Variants in RAF1 observed in about 807,000 individuals in gnomAD.
The protein encoded by RAF1 is RAF proto-oncogene serine/threonine-protein kinase.
RAF1 carries 27 observed loss-of-function variants against 81.1 expected under a neutral mutation model. The ratio of observed to expected loss-of-function variants is 0.33; its 90% CI spans 0.25 to 0.46. RAF1 has a LOEUF of 0.46. RAF1 is among the 20% of genes least tolerant of loss of function. RAF1 has a pLI of 1.00. For missense variants in RAF1, 598 were observed against 826.0 expected (o/e 0.72, Z 3.38); for synonymous variants, 298 against 294.0 (o/e 1.01, Z -0.14).
At chr3:12,593,542 A>G (rs1010737676) in intron 11 of RAF1, among the ~76,000 whole-genome samples, 2 of 152,122 alleles carry the variant, frequency 1.3e-5, no homozygotes, top group South Asian at 4.1e-4. Flanking sequence ...TAACCTGCAC[A>G]TGTGTTTGCC....
chr3:12,624,222 C>T (rs934419111), intron 1 of RAF1, among the ~76,000 whole-genome samples: 1 of 152,088 alleles, frequency 6.6e-6, no homozygotes, highest in Non-Finnish European at 1.5e-5. Flanking sequence ...TGCTGAAATA[C>T]GCAGACAATG....
intron 11 of RAF1, among the ~76,000 whole-genome samples, chr3:12,596,122 C>A (rs1300944080): frequency 6.6e-6 from 1 of 151,728 alleles, no homozygotes; most frequent in Non-Finnish European, 1.5e-5. Context: ...ATCCTCCCAA[C>A]TCAGCCTCCC....
At chr3:12,593,800 T>C (rs1371338726) in intron 11 of RAF1, among the ~76,000 whole-genome samples, 30 of 149,796 alleles carry the variant, frequency 2.0e-4, no homozygotes, top group East Asian at 7.8e-4. Flanking sequence ...TTTTTTTTTT[T>C]TTTTTCTTTT....
chr3:12,663,356 C>T (rs1275093821), intron 1 of RAF1, among the ~76,000 whole-genome samples: 2 of 152,180 alleles, frequency 1.3e-5, no homozygotes, highest in African/African-American at 2.4e-5. Flanking sequence ...TGGCCAGTTT[C>T]CTCCTCTCTT....
At chr3:12,657,874 A>G (rs2060748645) in intron 1 of RAF1, among the ~76,000 whole-genome samples, 1 of 47,284 alleles carries the variant, frequency 2.1e-5, no homozygotes, top group Non-Finnish European at 3.4e-5. Flanking sequence ...AAACAAAACA[A>G]AACAAAACAA....
In RAF1 at chr3:12,650,364, T is replaced by C. The variant is rs5746163; in HGVS notation, c.-27+13449A>G. Among the ~76,000 whole-genome samples the C allele has an allele frequency of 3.1e-3, 473 of 152,086 alleles. 6 individuals are homozygous for C. Among genetic ancestry groups the C allele is most frequent in the Admixed American group, 3.7e-3 (56 of 15,260 alleles). On this transcript the variant is annotated intron_variant, in intron 1 of 17. Coordinates refer to ENST00000442415, the MANE Select transcript of RAF1 (RefSeq NM_001354689.3). ...ACCTACATAATTATATACCAAAGCA[T>C]TGAAGAACTACATGTATTTCCTATA...
At chr3:12,591,923 C>A in intron 11 of RAF1, 131 bp from the exon 11 acceptor site, 17 of 737,146 alleles carry the variant, frequency 2.3e-5, no homozygotes, top group South Asian at 7.8e-5. Context: ...GGCAAATTTC[C>A]AATTTTTTTT....
chr3:12,587,837 C>CATTTTTTTTT, intron 13 of RAF1, 200 bp from the exon 13 acceptor site: 1 of 193,316 alleles, frequency 5.2e-6, no homozygotes, highest in Non-Finnish European at 1.0e-5. Context: ...ATGCTTACAC[C>CATTTTTTTTT]TTTTTTTTTT....
intron 1 of RAF1, among the ~76,000 whole-genome samples, chr3:12,624,813 G>A (rs996679166): frequency 6.7e-6 from 1 of 150,290 alleles, no homozygotes; most frequent in South Asian, 2.1e-4. Flanking sequence ...TTGAACCCAG[G>A]AGGTGGAGGC....
At chr3:12,639,855 T>A (rs1217013401) in intron 1 of RAF1, among the ~76,000 whole-genome samples, 4 of 152,088 alleles carry the variant, frequency 2.6e-5, no homozygotes, top group Non-Finnish European at 4.4e-5. Flanking sequence ...CTTCACAGAA[T>A]TGGAAAAAAC....
chr3:12,637,155 G>T (rs1226327536), intron 1 of RAF1, among the ~76,000 whole-genome samples: 1 of 152,032 alleles, frequency 6.6e-6, no homozygotes, highest in East Asian at 1.9e-4. Context: ...AGCTGAACTC[G>T]CTCAATTTTT....
intron 1 of RAF1, among the ~76,000 whole-genome samples, chr3:12,619,617 T>G (rs1476578606): frequency 6.7e-5 from 10 of 150,212 alleles, no homozygotes; most frequent in Admixed American, 6.0e-4. Context: ...GTCTCAAGAC[T>G]TCTAGTCTAT....
At position 12,608,763 on chromosome 3, in the gene RAF1, T is replaced by TA. The variant is rs1306392054; in HGVS notation, c.581+2dup. 1 of 1,613,878 alleles carries TA rather than the reference T, an allele frequency of 6.2e-7. No homozygotes were observed. Among genetic ancestry groups the TA allele is most frequent in the Non-Finnish European group, 8.5e-7 (1 of 1,179,732 alleles). ...TTCCTTGGATAAAAGAACAATGCCT[T>TA]ACAAGAGTTGTCTGATGTTACTCCA... On this transcript the variant is annotated splice_region_variant and intron_variant, in intron 5 of 17. Transcript: ENST00000442415.
At chr3:12,630,215 T>C (rs1014418939) in intron 1 of RAF1, among the ~76,000 whole-genome samples, 25 of 152,224 alleles carry the variant, frequency 1.6e-4, no homozygotes, top group Admixed American at 2.6e-4. Context: ...GCACAATAAA[T>C]AACTATCAGT....
intron 1 of RAF1, among the ~76,000 whole-genome samples, chr3:12,647,720 C>T (rs1168635775): frequency 6.6e-6 from 1 of 152,136 alleles, no homozygotes; most frequent in African/African-American, 2.4e-5. Context: ...GTTTCCTAAC[C>T]AGTCCAAAAG....
rs933142627 is a variant in RAF1, at chr3:12,584,611, T to G, written c.1910A>C (p.Asn637Thr). 2.5e-6 allele frequency: 4 copies of G among 1,613,906 alleles called. No individual in the cohort carries two copies. The highest frequency in any genetic ancestry group is 3.4e-6 in the Non-Finnish European group (4 of 1,179,942). Reference sequence around the variant, plus strand: ...CAAGGATGGCTCGGAAGCGCTCCGGTTGATCTTCGGTAGAGAGTGTTGGAG... The same window carrying G: ...CAAGGATGGCTCGGAAGCGCTCCGGGTGATCTTCGGTAGAGAGTGTTGGAG... Residue 637 changes from asparagine to threonine, a missense_variant, in exon 18 of 18, where the codon AAC becomes ACC. Around this residue, in one of 5 missense-constraint regions of RAF1, gnomAD observed 147 missense variants for 196.1 expected, o/e 0.75. Coordinates refer to ENST00000442415, the MANE Select transcript of RAF1 (RefSeq NM_001354689.3).
chr3:12,625,444 C>T (rs1439907269), intron 1 of RAF1, among the ~76,000 whole-genome samples: 1 of 152,180 alleles, frequency 6.6e-6, no homozygotes, highest in Non-Finnish European at 1.5e-5. Flanking sequence ...TCTACTCTCA[C>T]AGTGAAGAGT....
chr3:12,607,703 A>G (rs1047511544), intron 5 of RAF1, among the ~76,000 whole-genome samples: 2 of 151,960 alleles, frequency 1.3e-5, no homozygotes, highest in African/African-American at 4.8e-5. Flanking sequence ...CTGTAATCCC[A>G]GCACTTTGGG....
At chr3:12,658,942 T>A (rs1185661799) in intron 1 of RAF1, among the ~76,000 whole-genome samples, 3 of 152,178 alleles carry the variant, frequency 2.0e-5, no homozygotes, top group Non-Finnish European at 4.4e-5. Flanking sequence ...GCTGAGATTC[T>A]AGGGGTCATT....
Sources: allele counts gnomAD v4.1 joint callset (sites outside exome capture counted in the v4.1 genomes callset), GRCh38; gene constraint gnomAD v4.1.1; regional missense constraint gnomAD v4.1.1; transcripts MANE v1.5; gene names NCBI Gene and HGNC (gene_info 2026-07-23, HGNC 2026-07-21).